Variants in NAALADL2 observed in about 807,000 individuals in gnomAD.
NAALADL2 encodes the protein N-acetylated alpha-linked acidic dipeptidase like 2, also known as inactive N-acetylated-alpha-linked acidic dipeptidase-like protein 2.
Under a neutral mutation model 87.2 loss-of-function variants are expected in NAALADL2, and 76 were observed. The ratio of observed to expected loss-of-function variants is 0.87; its 90% CI spans 0.72 to 1.05. NAALADL2 has a LOEUF of 1.05. Among genes scored for constraint, NAALADL2 ranks in the 50% least tolerant of loss-of-function variants. The pLI, the probability that NAALADL2 is intolerant of heterozygous loss-of-function variation, is 0.00. For synonymous variants in NAALADL2, 354 were observed against 331.0 expected, an observed-to-expected ratio of 1.07 and a Z score of -0.75; for missense variants, 1,089 against 945.8, an observed-to-expected ratio of 1.15 and a Z score of -1.99.
At chr3:174,710,444 G>A (rs1197939459) in intron 2 of NAALADL2, among the ~76,000 whole-genome samples, 1 of 151,876 alleles carries the variant, frequency 6.6e-6, no homozygotes, top group Non-Finnish European at 1.5e-5. Context: ...AGTAGAGACG[G>A]GATTTCTCCA....
chr3:174,641,973 G>A (rs1723240648), intron 2 of NAALADL2, among the ~76,000 whole-genome samples: 1 of 151,970 alleles, frequency 6.6e-6, no homozygotes, highest in African/African-American at 2.4e-5. Context: ...TGGCCAGGCT[G>A]GTCTCAAACT....
intron 2 of NAALADL2, among the ~76,000 whole-genome samples, chr3:174,708,482 T>C (rs1294704510): frequency 6.6e-6 from 1 of 152,192 alleles, no homozygotes; most frequent in Non-Finnish European, 1.5e-5. Context: ...TAAATTTAAA[T>C]CTGTAAAGCT....
chr3:175,715,062 A>G (rs904861099), intron 11 of NAALADL2, among the ~76,000 whole-genome samples: 3 of 152,154 alleles, frequency 2.0e-5, no homozygotes, highest in African/African-American at 7.2e-5. Context: ...GATTTTCCCT[A>G]ATATTCTTTA....
At chr3:174,548,554 AAC>A (rs559545228) in intron 1 of NAALADL2, among the ~76,000 whole-genome samples, 203 of 152,208 alleles carry the variant, frequency 1.3e-3, no homozygotes, top group African/African-American at 4.6e-3. Flanking sequence ...CAGACAGAAA[AAC>A]AGAAAAAAAA....
intron 9 of NAALADL2, among the ~76,000 whole-genome samples, chr3:175,507,195 T>C (rs1730460784): frequency 6.6e-6 from 1 of 152,162 alleles, no homozygotes. Context: ...TCATCCTCTC[T>C]TCTTCTCCAG....
At chr3:174,968,393 CAAATACAACAAAATAAGG>C (rs1422438519) in intron 1 of NAALADL2, among the ~76,000 whole-genome samples, 4 of 152,050 alleles carry the variant, frequency 2.6e-5, no homozygotes, top group African/African-American at 4.8e-5. Flanking sequence ...AGCCAAGGCT[CAAATACAACAAAATAAGG>C]AAATACAACA....
At chr3:175,207,838 C>A (rs546917107) in intron 2 of NAALADL2, among the ~76,000 whole-genome samples, 2 of 152,116 alleles carry the variant, frequency 1.3e-5, no homozygotes, top group South Asian at 2.1e-4. Context: ...GCAGTGATGT[C>A]TTCTCTTTCA....
chr3:174,708,755 C>G (rs943843372), intron 2 of NAALADL2, among the ~76,000 whole-genome samples: 1 of 152,008 alleles, frequency 6.6e-6, no homozygotes, highest in Non-Finnish European at 1.5e-5. Flanking sequence ...AGCATTTTAT[C>G]CAATTTTCTT....
At chr3:175,787,583 G>A (rs868389577) in intron 13 of NAALADL2, among the ~76,000 whole-genome samples, 3 of 152,034 alleles carry the variant, frequency 2.0e-5, no homozygotes, top group South Asian at 4.1e-4. Context: ...CGCACGGTGC[G>A]CGCACCCACT....
chr3:175,686,559 G>T (rs924639083), intron 11 of NAALADL2, among the ~76,000 whole-genome samples: 1 of 151,922 alleles, frequency 6.6e-6, no homozygotes, highest in East Asian at 1.9e-4. Context: ...TTTAGGTAAA[G>T]AATTAAAAGT....
chr3:174,971,154 C>T (rs933226623), intron 1 of NAALADL2, among the ~76,000 whole-genome samples: 10 of 152,060 alleles, frequency 6.6e-5, no homozygotes, highest in Non-Finnish European at 2.9e-5. Flanking sequence ...AGACTGGCCC[C>T]CATAATTCAA....
chr3:175,343,873 CTG>C (rs1477546509), intron 5 of NAALADL2, among the ~76,000 whole-genome samples: 2 of 151,730 alleles, frequency 1.3e-5, no homozygotes, highest in Admixed American at 6.6e-5. Context: ...TGAATGGAAA[CTG>C]TGTTAGAGTG....
At chr3:175,365,787 T>C (rs1313390694) in intron 5 of NAALADL2, among the ~76,000 whole-genome samples, 1 of 147,652 alleles carries the variant, frequency 6.8e-6, no homozygotes, top group Admixed American at 6.9e-5. Context: ...ATTTATAATT[T>C]TGCAAAATAT....
At chr3:174,536,159 A>G (rs1438642388) in intron 1 of NAALADL2, among the ~76,000 whole-genome samples, 1 of 152,144 alleles carries the variant, frequency 6.6e-6, no homozygotes, top group Non-Finnish European at 1.5e-5. Flanking sequence ...CTGACACTCC[A>G]TATTACTGTT....
intron 5 of NAALADL2, among the ~76,000 whole-genome samples, chr3:175,353,836 A>C (rs1397479959): frequency 6.6e-6 from 1 of 152,176 alleles, no homozygotes; most frequent in Non-Finnish European, 1.5e-5. Context: ...TCTATGAGAG[A>C]AAGAGTCAAA....
intron 1 of NAALADL2, among the ~76,000 whole-genome samples, chr3:175,022,496 C>G (rs189015679): frequency 6.6e-6 from 1 of 152,040 alleles, no homozygotes; most frequent in East Asian, 1.9e-4. Context: ...CTCAAGTGGG[C>G]CTTTCTTCCA....
At chr3:175,745,497 G>A (rs1030333672) in intron 12 of NAALADL2, among the ~76,000 whole-genome samples, 3 of 152,062 alleles carry the variant, frequency 2.0e-5, no homozygotes, top group African/African-American at 7.2e-5. Context: ...CATATAACTT[G>A]TGCACACTAT....
chr3:174,509,454 T>G (rs1269746535), intron 1 of NAALADL2, among the ~76,000 whole-genome samples: 3 of 146,976 alleles, frequency 2.0e-5, no homozygotes, highest in African/African-American at 7.5e-5. Flanking sequence ...CAGGCTAGAG[T>G]GCAGTGGCAT....
intron 11 of NAALADL2, among the ~76,000 whole-genome samples, chr3:175,655,241 T>G (rs999182999): frequency 6.6e-6 from 1 of 152,192 alleles, no homozygotes; most frequent in African/African-American, 2.4e-5. Context: ...TGATGGTGTA[T>G]ATTTGTGCAT....
Sources: allele counts gnomAD v4.1 joint callset (sites outside exome capture counted in the v4.1 genomes callset), GRCh38; gene constraint gnomAD v4.1.1; transcripts MANE v1.5; gene names NCBI Gene and HGNC (gene_info 2026-07-23, HGNC 2026-07-21).